Variants in CREM observed in about 807,000 individuals in gnomAD.
CREM encodes cAMP responsive element modulator, also known as cAMP-responsive element modulator.
CREM carries 13 observed loss-of-function variants against 37.3 expected under a neutral mutation model. The observed-to-expected ratio is 0.35, with a 90% CI of 0.23 to 0.55. CREM has a LOEUF of 0.55. Ranked by LOEUF, CREM falls within the 20% of genes least tolerant of loss-of-function variation. The probability of loss-of-function intolerance (pLI) is 0.88; values close to 1 mark genes in which losing one functional copy is unlikely to be tolerated. For synonymous variants in CREM, 124 were observed against 120.2 expected, an observed-to-expected ratio of 1.03 and a Z score of -0.21; for missense variants, 296 against 362.3, an observed-to-expected ratio of 0.82 and a Z score of 1.49.
At chr10:35,197,578 G>A (rs2095243370) in intron 6 of CREM, among the ~76,000 whole-genome samples, 1 of 151,796 alleles carries the variant, frequency 6.6e-6, no homozygotes, top group Non-Finnish European at 1.5e-5. Flanking sequence ...TCAGCCTCCC[G>A]AGTAGCTGGG....
In CREM at chr10:35,180,933, A is replaced by G. The variant is rs34539266; in HGVS notation, c.409+1657A>G. On this transcript the variant is annotated intron_variant, in intron 5 of 7. Transcript: ENST00000685392. ...CATGTCATCATGTTCTGTTTGTGTA[A>G]TGACAGGGAAAAGGTTGGAAGTGAC... Among the ~76,000 whole-genome samples, 1,073 of 152,310 alleles carry G rather than the reference A, an allele frequency of 7.0e-3. 7 individuals are homozygous for G. Among genetic ancestry groups the G allele is most frequent in the Non-Finnish European group, 0.011 (763 of 68,016 alleles).
chr10:35,175,869 C>G (rs766055075), intron 3 of CREM: 15 of 1,569,242 alleles, frequency 9.6e-6, no homozygotes, highest in Non-Finnish European at 1.2e-5. Context: ...GTGGCTGGAT[C>G]AGGCACCAGA....
intron 3 of CREM, among the ~76,000 whole-genome samples, chr10:35,166,564 C>CAA (rs34348266): frequency 0.17 from 22,614 of 131,732 alleles, 1,871 homozygotes; most frequent in East Asian, 0.26. Flanking sequence ...GAGTCTGTAT[C>CAA]AAAAAAAAAA....
chr10:35,143,700 G>A (rs2091737597), intron 2 of CREM, among the ~76,000 whole-genome samples: 1 of 152,126 alleles, frequency 6.6e-6, no homozygotes, highest in African/African-American at 2.4e-5. Context: ...CTTATGGATG[G>A]GTTCAGGATG....
At position 35,196,736 on chromosome 10, in the gene CREM, A is replaced by C. The variant is rs564081200; in HGVS notation, c.598+8348A>C. Among the ~76,000 whole-genome samples the C allele has an allele frequency of 6.8e-4, 103 of 152,282 alleles. No homozygotes were observed. The South Asian group carries it at 0.018, about 27-fold the overall frequency. On this transcript the variant is annotated intron_variant, in intron 6 of 7. Coordinates refer to ENST00000685392, the MANE Select transcript of CREM (RefSeq NM_183011.2). ...TTAGAACCAGAAGGCACTTTTGTACATATATTTTCTAAAAATTATTGGTTA... is the reference window on the plus strand; with the variant it reads ...TTAGAACCAGAAGGCACTTTTGTACCTATATTTTCTAAAAATTATTGGTTA...
chr10:35,150,856 TG>T (rs2092551114), intron 3 of CREM, among the ~76,000 whole-genome samples: 1 of 137,262 alleles, frequency 7.3e-6, no homozygotes, highest in South Asian at 2.3e-4. Flanking sequence ...TTAAGTAATG[TG>T]GAGTCTGAAA....
At chr10:35,179,809 A>T (rs1275442884) in intron 5 of CREM, 1 of 152,472 alleles carries the variant, frequency 6.6e-6, no homozygotes, top group African/African-American at 2.4e-5. Context: ...GAAATTTTAC[A>T]CACTGAAAGC....
intron 6 of CREM, 33 bp from the exon 7 acceptor site, chr10:35,206,862 T>C: frequency 1.2e-6 from 2 of 1,609,528 alleles, no homozygotes; most frequent in Non-Finnish European, 1.7e-6. Flanking sequence ...ATGAATTCTT[T>C]ATATAAGCTC....
Position 35,211,294 on chromosome 10 carries a change from G to A in CREM, c.796G>A (p.Val266Ile). Residue 266 changes from valine to isoleucine, a missense_variant, in exon 8 of 8, where the codon GTC (valine) becomes ATC (isoleucine). By Grantham distance (29) the Val-to-Ile change is conservative. Around this residue, in one of 2 missense-constraint regions of CREM, gnomAD observed 39 missense variants for 82.0 expected, o/e 0.48. Transcript: ENST00000685392. ...RECRRKKKEY[V>I]KCLENRVAVL... ...GTGTCGCAGGAAGAAGAAAGAATAT[G>A]TCAAATGTCTTGAAAATCGTGTGGC... is the stretch of plus-strand genomic sequence containing the variant. 6.2e-7 allele frequency: 1 copy of A among 1,614,130 alleles called. No homozygotes were observed. Among genetic ancestry groups the A allele is most frequent in the Non-Finnish European group, 8.5e-7 (1 of 1,180,024 alleles).
intron 2 of CREM, among the ~76,000 whole-genome samples, chr10:35,147,021 A>C (rs895436823): frequency 1.4e-5 from 2 of 142,198 alleles, no homozygotes; most frequent in African/African-American, 5.3e-5. Context: ...AGCAGGGAGT[A>C]GTTTCTATAA....
At chr10:35,185,335 C>T (rs2094512287) in intron 5 of CREM, among the ~76,000 whole-genome samples, 1 of 151,966 alleles carries the variant, frequency 6.6e-6, no homozygotes. Context: ...AACTCCTGAC[C>T]TCAGGTGATC....
intron 3 of CREM, among the ~76,000 whole-genome samples, chr10:35,156,759 A>G (rs771917471): frequency 6.6e-6 from 1 of 152,218 alleles, no homozygotes; most frequent in African/African-American, 2.4e-5. Flanking sequence ...TAAAAGGTAT[A>G]GGGGAGAAAA....
In CREM at chr10:35,188,301, C is replaced by G. The variant is rs1043058115; in HGVS notation, c.511C>G (p.Pro171Ala). The change falls in exon 6 of 8, where the codon CCA becomes GCA. Residue 171 changes from proline to alanine, a missense_variant. Physicochemically the swap from Pro to Ala is conservative, Grantham distance 27. Coordinates refer to ENST00000685392, the MANE Select transcript of CREM (RefSeq NM_183011.2). ...AATGACAAATTCAGGAGCTCCTCCA[C>G]CAGGTGCTACAATTGTACAGTACGC... ...LTMTNSGAPPPGATIVQYAAQ... is the reference protein window; with the variant it reads ...LTMTNSGAPPAGATIVQYAAQ... 6.2e-7 allele frequency: 1 copy of G among 1,614,032 alleles called. No homozygotes were observed. The highest frequency in any genetic ancestry group is 1.3e-5 in the African/African-American group (1 of 74,930).
At chr10:35,146,424 T>C (rs1440457907) in intron 2 of CREM, among the ~76,000 whole-genome samples, 2 of 152,210 alleles carry the variant, frequency 1.3e-5, no homozygotes, top group African/African-American at 4.8e-5. Context: ...AAGAAACCCT[T>C]TTAATCTTTA....
intron 3 of CREM, among the ~76,000 whole-genome samples, chr10:35,148,918 A>G (rs762328093): frequency 6.6e-6 from 1 of 152,224 alleles, no homozygotes; most frequent in Non-Finnish European, 1.5e-5. Context: ...GGTCACCAGT[A>G]TCAGTTAGTA....
intron 1 of CREM, among the ~76,000 whole-genome samples, chr10:35,135,192 A>G (rs1483828062): frequency 2.6e-5 from 4 of 152,196 alleles, no homozygotes; most frequent in African/African-American, 4.8e-5. Context: ...CCTTCAAAAT[A>G]TGGCAGAGAA....
chr10:35,149,889 A>ACACACACACACAC, intron 3 of CREM, among the ~76,000 whole-genome samples: 1 of 111,922 alleles, frequency 8.9e-6, no homozygotes, highest in East Asian at 2.7e-4. Context: ...CTTTTGCTTA[A>ACACACACACACAC]ACACACACAC....
intron 6 of CREM, among the ~76,000 whole-genome samples, chr10:35,192,259 A>G (rs767598401): frequency 7.9e-5 from 12 of 152,200 alleles, no homozygotes; most frequent in Non-Finnish European, 1.8e-4. Context: ...CATTCCTCAC[A>G]GTGATTCTGG....
At chr10:35,205,752 A>T (rs1185019852) in intron 6 of CREM, among the ~76,000 whole-genome samples, 1 of 152,196 alleles carries the variant, frequency 6.6e-6, no homozygotes, top group East Asian at 1.9e-4. Flanking sequence ...TGAGGTCAGG[A>T]GTTCAAGACC....
Sources: gnomAD v4.1 joint callset for allele counts (sites outside exome capture counted in the v4.1 genomes callset) on GRCh38, gnomAD v4.1.1 for gene constraint, gnomAD v4.1.1 regional missense constraint, MANE v1.5 for transcripts, NCBI Gene and HGNC (gene_info 2026-07-23, HGNC 2026-07-21) for gene names.